The following EFHD1 variants were observed in gnomAD, a reference collection of about 807,000 sequenced individuals.
The protein encoded by EFHD1 is EF-hand domain family member D1, also known as EF-hand domain-containing protein D1.
A neutral mutation model predicts 17.2 loss-of-function variants in EFHD1; 10 were observed. The ratio of observed to expected loss-of-function variants is 0.58; its 90% CI spans 0.36 to 0.99. The LOEUF (loss-of-function observed/expected upper bound fraction) is 0.99, where lower values mean the gene tolerates loss of function less well. Among genes scored for constraint, EFHD1 ranks in the 50% least tolerant of loss-of-function variants. EFHD1 has a pLI of 0.01. For synonymous variants in EFHD1, 153 were observed against 142.0 expected (o/e 1.08, Z -0.55); for missense variants, 310 against 327.5 (o/e 0.95, Z 0.41).
intron 2 of EFHD1, among the ~76,000 whole-genome samples, chr2:232,666,637 G>C (rs1477420097): frequency 2.0e-5 from 3 of 152,174 alleles, no homozygotes; most frequent in Non-Finnish European, 4.4e-5. Flanking sequence ...GTAGACATCA[G>C]AGTCTTGGAA....
upstream of EFHD1, among the ~76,000 whole-genome samples, chr2:232,629,843 G>T (rs181491636): frequency 5.3e-5 from 8 of 150,856 alleles, no homozygotes; most frequent in East Asian, 1.5e-3. Context: ...TTAATAATTT[G>T]CCCCCTTTAG....
chr2:232,624,002 C>T (rs1350445170), intron 1 of EFHD1, among the ~76,000 whole-genome samples: 1 of 152,094 alleles, frequency 6.6e-6, no homozygotes, highest in African/African-American at 2.4e-5. Context: ...AGGGCGGTGC[C>T]AGCCCCTGAA....
At position 232,682,740 on chromosome 2, in the gene EFHD1, T is replaced by G. The variant is rs2106224016; in HGVS notation, c.*1021T>G. On this transcript the variant is annotated 3_prime_UTR_variant, in exon 4 of 4. Transcript: ENST00000264059. ...TGTCATATTTATTCTCTTTTGTAAC[T>G]GCTGTCTTTACAATAAAGAAATCAT... 6.6e-6 allele frequency: 1 copy of G among 152,376 alleles called. No homozygotes were observed. The highest frequency in any genetic ancestry group is 2.1e-4 in the South Asian group (1 of 4,834). The allele number at this position is 152,376 out of a possible 1,614,324, so 9.4% of individuals were successfully genotyped here.
intron 1 of EFHD1, among the ~76,000 whole-genome samples, chr2:232,643,100 G>A (rs75908644): frequency 6.6e-6 from 1 of 151,792 alleles, no homozygotes; most frequent in African/African-American, 2.4e-5. Context: ...GAGTTTCCCC[G>A]AGTCACATCA....
intron 1 of EFHD1, chr2:232,606,594 A>C: frequency 4.6e-6 from 1 of 215,662 alleles, no homozygotes; most frequent in Non-Finnish European, 9.7e-6. Context: ...CTCATCTTTA[A>C]AGTTGGGGTG....
intron 1 of EFHD1, among the ~76,000 whole-genome samples, chr2:232,645,891 G>A (rs569390159): frequency 8.5e-5 from 13 of 152,328 alleles, no homozygotes; most frequent in Admixed American, 8.5e-4. Context: ...CTCTTGTCCA[G>A]TGTCACATGC....
Position 232,681,743 on chromosome 2 carries a change from C to A in EFHD1, c.*24C>A. 1 of 1,610,134 alleles carries A rather than the reference C, an allele frequency of 6.2e-7. No individual in the cohort carries two copies. Among genetic ancestry groups the A allele is most frequent in the South Asian group, 1.1e-5 (1 of 90,372 alleles). ...AGTCCTGCTGACCTTGCCCTCTGCC[C>A]ACAGCTGTGCCTCACAGATGCCCCG... On this transcript the variant is annotated 3_prime_UTR_variant, in exon 4 of 4. Coordinates refer to ENST00000264059, the MANE Select transcript of EFHD1 (RefSeq NM_025202.4).
At chr2:232,620,245 G>A (rs375112731) in intron 1 of EFHD1, among the ~76,000 whole-genome samples, 7 of 151,650 alleles carry the variant, frequency 4.6e-5, no homozygotes, top group African/African-American at 1.7e-4. Context: ...AAAATTAGCC[G>A]GGCGCGGTGG....
intron 1 of EFHD1, among the ~76,000 whole-genome samples, chr2:232,657,894 C>CTTTTTTT (rs1165865773): frequency 8.4e-6 from 1 of 118,712 alleles, no homozygotes; most frequent in African/African-American, 3.0e-5. Context: ...ATTTTTCTTT[C>CTTTTTTT]TTTTCTTTTT....
intron 1 of EFHD1, among the ~76,000 whole-genome samples, chr2:232,646,833 T>C (rs1314821955): frequency 6.6e-6 from 1 of 152,234 alleles, no homozygotes; most frequent in African/African-American, 2.4e-5. Context: ...TGAAAGTGGC[T>C]AACCTCTTCC....
intron 1 of EFHD1, among the ~76,000 whole-genome samples, chr2:232,613,703 CAT>C (rs1196162950): frequency 3.0e-3 from 342 of 115,344 alleles, no homozygotes; most frequent in African/African-American, 0.011. Flanking sequence ...TATACACACA[CAT>C]ACACACACAA....
rs529936816 is a variant in EFHD1, at chr2:232,667,288, C to T, written c.450+4339C>T. On this transcript the variant is annotated intron_variant, in intron 2 of 3. Transcript: ENST00000264059. ...GGACCGCTGGTCTGACCAGGCCAAT[C>T]GAATTCTCTCTCTCGGGATTTTGAA... is the stretch of plus-strand genomic sequence containing the variant. Among the ~76,000 whole-genome samples, 17 of 152,232 alleles carry T rather than the reference C, an allele frequency of 1.1e-4. No individual in the cohort carries two copies. The South Asian group carries it at 3.3e-3, about 30-fold the overall frequency.
intron 1 of EFHD1, 142 bp downstream of exon 1, chr2:232,634,148 C>G: frequency 2.8e-6 from 4 of 1,433,692 alleles, no homozygotes; most frequent in Non-Finnish European, 3.6e-6. Context: ...CCAGATCTTG[C>G]GTGCTCGGGT....
At chr2:232,626,388 A>G (rs919957640) in intron 1 of EFHD1, among the ~76,000 whole-genome samples, 2 of 151,542 alleles carry the variant, frequency 1.3e-5, no homozygotes, top group Non-Finnish European at 2.9e-5. Context: ...TCTATAAAAA[A>G]TACAAAAAAA....
Position 232,664,744 on chromosome 2 carries a change from G to A in EFHD1, c.450+1795G>A, listed in dbSNP as rs1450671718. On this transcript the variant is annotated intron_variant, in intron 2 of 3. Transcript: ENST00000264059. ...TTCTCCTGCCTCAGCCTCCCGAGTA[G>A]CTGGGACTACAGGCGCCTGCCACCA... is the stretch of plus-strand genomic sequence containing the variant. 4.0e-5 allele frequency among the ~76,000 whole-genome samples: 6 copies of A among 150,102 alleles called. No homozygotes were observed. The South Asian group carries it at 1.3e-3, about 32-fold the overall frequency.
At chr2:232,633,449 G>A, upstream of EFHD1, 4 of 1,208,650 alleles carry the variant, frequency 3.3e-6, no homozygotes, top group Non-Finnish European at 4.1e-6. Flanking sequence ...GGGGTCTCCG[G>A]GACGCGCAGA....
chr2:232,655,873 C>G (rs959449950), intron 1 of EFHD1, among the ~76,000 whole-genome samples: 3 of 150,454 alleles, frequency 2.0e-5, no homozygotes, highest in Middle Eastern at 3.3e-3. Context: ...GTGGCACGAC[C>G]TCGGCTTACT....
At chr2:232,661,399 C>T (rs961582563) in intron 1 of EFHD1, among the ~76,000 whole-genome samples, 2 of 152,124 alleles carry the variant, frequency 1.3e-5, no homozygotes, top group Non-Finnish European at 2.9e-5. Flanking sequence ...AGAAGTGGCA[C>T]CATACAGCAT....
chr2:232,675,634 C>T (rs542611733), intron 3 of EFHD1, among the ~76,000 whole-genome samples: 52 of 152,260 alleles, frequency 3.4e-4, no homozygotes, highest in African/African-American at 1.2e-3. Context: ...TTGAGCAGGG[C>T]CTTGACGTGA....
Sources: allele counts gnomAD v4.1 joint callset (sites outside exome capture counted in the v4.1 genomes callset), GRCh38; gene constraint gnomAD v4.1.1; transcripts MANE v1.5; gene names NCBI Gene and HGNC (gene_info 2026-07-23, HGNC 2026-07-21).